RAD54B: variants seen among roughly 807,000 people sequenced by gnomAD.
RAD54B encodes DNA repair and recombination protein RAD54B.
RAD54B carries 78 observed loss-of-function variants against 95.8 expected under a neutral mutation model. That is an observed-to-expected ratio of 0.81 (90% CI 0.68 to 0.98). The LOEUF (loss-of-function observed/expected upper bound fraction) is 0.98, where lower values mean the gene tolerates loss of function less well. RAD54B is among the 50% of genes least tolerant of loss of function. The probability of loss-of-function intolerance (pLI) is 0.00; values close to 1 mark genes in which losing one functional copy is unlikely to be tolerated. For synonymous variants in RAD54B, 328 were observed against 354.9 expected (o/e 0.92, Z 0.85); for missense variants, 957 against 1,056.6 (o/e 0.91, Z 1.31).
chr8:94,372,117 T>C lies in RAD54B; in HGVS notation c.*53A>G. ...TTAATTTTCAAAAAGTACATTTAATTACCATACTAATTTTCAAAAGAAGAG... is the reference window on the plus strand; with the variant it reads ...TTAATTTTCAAAAAGTACATTTAATCACCATACTAATTTTCAAAAGAAGAG... On this transcript the variant is annotated 3_prime_UTR_variant, in exon 15 of 15. Coordinates refer to ENST00000336148, the MANE Select transcript of RAD54B (RefSeq NM_012415.3). The C allele has an allele frequency of 6.6e-7, 1 of 1,522,282 alleles. No homozygotes were observed. The highest frequency in any genetic ancestry group is 8.7e-7 in the Non-Finnish European group (1 of 1,143,692). 94.3% of individuals were successfully genotyped at this position (1,522,282 alleles called of 1,614,324 possible). A position where few individuals can be genotyped will look rare whatever the true frequency, so the allele number is the denominator to read the frequency against.
Position 94,407,461 on chromosome 8 carries a change from T to C in RAD54B, c.759A>G (p.Pro253=). 1.2e-6 allele frequency: 2 copies of C among 1,613,516 alleles called. No individual in the cohort carries two copies. The highest frequency in any genetic ancestry group is 1.7e-6 in the Non-Finnish European group (2 of 1,179,504). The change falls in exon 5 of 15, where the codon CCA becomes CCG. Residue 253 remains proline (P), a synonymous_variant. Coordinates refer to ENST00000336148, the MANE Select transcript of RAD54B (RefSeq NM_012415.3). The part of the protein sequence containing the change: ...NRQNDFQNCK[P]RHDPYTPNSL... ...TACTTGGCGTATATGGGTCATGGCG[T>C]GGTTTGCAATTTTGGAAATCATTCT...
In RAD54B at chr8:94,382,688, C is replaced by G. The variant is rs1290519209; in HGVS notation, c.1986-2282G>C. Among the ~76,000 whole-genome samples, 4 of 152,086 alleles carry G rather than the reference C, an allele frequency of 2.6e-5. No homozygotes were observed. The East Asian group carries it at 7.7e-4, about 29-fold the overall frequency. On this transcript the variant is annotated intron_variant, in intron 11 of 14. Transcript: ENST00000336148. ...GAACCCCCATTTGTTCAGGGAGGGA[C>G]CAGGTGGGAGGTGACTAAATCACGG...
chr8:94,412,427 T>C (rs1198246742), intron 3 of RAD54B, among the ~76,000 whole-genome samples: 1 of 152,084 alleles, frequency 6.6e-6, no homozygotes, highest in East Asian at 1.9e-4. Flanking sequence ...ATATGATATG[T>C]TACTTTTTCA....
chr8:94,420,251 ATTTTTTTT>A (rs57897762), intron 3 of RAD54B, among the ~76,000 whole-genome samples: 13 of 117,032 alleles, frequency 1.1e-4, no homozygotes, highest in Admixed American at 1.8e-4. Flanking sequence ...AGAAAACTTG[ATTTTTTTT>A]TTTTTTTTTT....
At chr8:94,397,938 G>C (rs1563641562) in intron 8 of RAD54B, among the ~76,000 whole-genome samples, 1 of 151,818 alleles carries the variant, frequency 6.6e-6, no homozygotes, top group Admixed American at 6.6e-5. Context: ...TCAAAGGCCA[G>C]TAAAGAAATC....
At chr8:94,391,976 A>G in intron 9 of RAD54B, 77 bp from the exon 10 acceptor site, 1 of 1,329,564 alleles carries the variant, frequency 7.5e-7, no homozygotes, top group Non-Finnish European at 1.0e-6. Context: ...AGATTTCATA[A>G]TGATAAACCA....
intron 10 of RAD54B, among the ~76,000 whole-genome samples, chr8:94,390,711 C>T (rs568844045): frequency 6.6e-6 from 1 of 151,396 alleles, no homozygotes; most frequent in African/African-American, 2.4e-5. Flanking sequence ...TAAAATAACA[C>T]TAATAAAGCA....
chr8:94,449,379 G>A (rs564681127), intron 3 of RAD54B, among the ~76,000 whole-genome samples: 24 of 151,944 alleles, frequency 1.6e-4, no homozygotes, highest in Non-Finnish European at 3.1e-4. Flanking sequence ...AGGCAGAGAC[G>A]GACGGACCAC....
intron 2 of RAD54B, among the ~76,000 whole-genome samples, chr8:94,465,018 C>T (rs538967598): frequency 3.3e-5 from 5 of 152,252 alleles, no homozygotes; most frequent in African/African-American, 9.6e-5. Flanking sequence ...AAGGATCCGC[C>T]CCTCATGACC....
intron 6 of RAD54B, among the ~76,000 whole-genome samples, chr8:94,401,740 G>T (rs960865216): frequency 6.6e-6 from 1 of 151,858 alleles, no homozygotes; most frequent in African/African-American, 2.4e-5. Context: ...TCAAGGTATA[G>T]AGAAAAAAAT....
rs1368905695 is a variant in RAD54B, at chr8:94,400,307, C to T, written c.1101G>A (p.Val367=). Residue 367 remains valine (V), a synonymous_variant, in exon 7 of 15, where the codon GTG becomes GTA. Coordinates refer to ENST00000336148, the MANE Select transcript of RAD54B (RefSeq NM_012415.3). ...TTTGAAATTCTTTCTTCCAATTATT[C>T]ACCAAGCTTCCAGGTGTGACAATTA... ...KTLIVTPGSL[V]NNWKKEFQKW... 1 of 1,613,844 alleles carries T rather than the reference C, an allele frequency of 6.2e-7. No homozygotes were observed. Among genetic ancestry groups the T allele is most frequent in the South Asian group, 1.1e-5 (1 of 91,080 alleles).
chr8:94,440,143 A>C lies in RAD54B; in HGVS notation c.304+18125T>G, dbSNP rs147654525. Among the ~76,000 whole-genome samples, 1,188 of 152,270 alleles carry C rather than the reference A, an allele frequency of 7.8e-3. 14 individuals carry two copies. Among genetic ancestry groups the C allele is most frequent in the East Asian group, 0.026 (134 of 5,184 alleles). On this transcript the variant is annotated intron_variant, in intron 3 of 14. Transcript: ENST00000336148. ...GGTTAAATAAAACCATCTGATGAGA[A>C]TGTATGGTTTACAGAGCATGATTCC...
At position 94,473,724 on chromosome 8, in the gene RAD54B, G is replaced by A. The variant is rs1813224991; in HGVS notation, c.-17+1277C>T. Among the ~76,000 whole-genome samples, 5 of 152,200 alleles carry A rather than the reference G, an allele frequency of 3.3e-5. No individual in the cohort carries two copies. The South Asian group carries it at 1.0e-3, about 31-fold the overall frequency. ...CAACCATCAAACGTCGAGGATGCAA[G>A]AATGTAAGTACACCAACTCTACCAA... On this transcript the variant is annotated intron_variant, in intron 1 of 14. Coordinates refer to ENST00000336148, the MANE Select transcript of RAD54B (RefSeq NM_012415.3).
intron 3 of RAD54B, among the ~76,000 whole-genome samples, chr8:94,412,869 C>A (rs1202867509): frequency 2.6e-5 from 4 of 152,028 alleles, no homozygotes; most frequent in Admixed American, 2.6e-4. Flanking sequence ...AGCAGAGTCA[C>A]AAGATGCAAG....
chr8:94,470,525 G>T (rs113514398), intron 1 of RAD54B, among the ~76,000 whole-genome samples: 18,232 of 151,792 alleles, frequency 0.12, 1,953 homozygotes, highest in East Asian at 0.33. Context: ...AACCCGGGAG[G>T]CAGAGGTTGT....
intron 3 of RAD54B, among the ~76,000 whole-genome samples, chr8:94,444,093 A>G (rs1812463994): frequency 6.6e-6 from 1 of 152,190 alleles, no homozygotes; most frequent in South Asian, 2.1e-4. Flanking sequence ...TAGAATACAG[A>G]TAACTTAATG....
In RAD54B at chr8:94,433,399, T is replaced by C. The variant is rs188415998; in HGVS notation, c.305-22084A>G. ...TGTATACTCAGTACCTAGCAGGTAC[T>C]GTACTTAGAACCTAGTAGGTGCTCA... On this transcript the variant is annotated intron_variant, in intron 3 of 14. Transcript: ENST00000336148. 1.2e-3 allele frequency among the ~76,000 whole-genome samples: 184 copies of C among 152,176 alleles called. 1 individual carries two copies. Among genetic ancestry groups the C allele is most frequent in the African/African-American group, 4.3e-3 (177 of 41,558 alleles).
intron 1 of RAD54B, among the ~76,000 whole-genome samples, chr8:94,470,772 A>T (rs960955934): frequency 1.4e-5 from 1 of 72,014 alleles, no homozygotes; most frequent in East Asian, 6.0e-4. Context: ...AAAACAAAGA[A>T]AAAAAAAAAG....
At chr8:94,398,142 T>C (rs1384120336) in intron 8 of RAD54B, among the ~76,000 whole-genome samples, 2 of 152,108 alleles carry the variant, frequency 1.3e-5, no homozygotes, top group Admixed American at 6.6e-5. Flanking sequence ...CAAACATTCA[T>C]TGGGCATCCA....
Sources: allele counts gnomAD v4.1 joint callset (sites outside exome capture counted in the v4.1 genomes callset), GRCh38; gene constraint gnomAD v4.1.1; transcripts MANE v1.5; gene names NCBI Gene and HGNC (gene_info 2026-07-23, HGNC 2026-07-21).